ZNF407: variants seen among roughly 807,000 people sequenced by gnomAD.
ZNF407 encodes the protein zinc finger protein 407.
Under a neutral mutation model 131.2 loss-of-function variants are expected in ZNF407, and 17 were observed. That is an observed-to-expected ratio of 0.13 (90% CI 0.09 to 0.19). ZNF407 has a LOEUF of 0.19. Among genes scored for constraint, ZNF407 ranks in the 10% least tolerant of loss-of-function variants. The pLI is 1.00. For missense variants in ZNF407, 2,681 were observed against 2,830.6 expected, an observed-to-expected ratio of 0.95 and a Z score of 1.20; for synonymous variants, 1,156 against 1,062.0, an observed-to-expected ratio of 1.09 and a Z score of -1.72.
rs1477702122 is a variant in ZNF407, at chr18:74,634,565, G to A, written c.3546G>A (p.Glu1182=). The change falls in exon 2 of 9, where the codon GAG becomes GAA. Residue 1182 remains glutamate (E), a synonymous_variant. Coordinates refer to ENST00000299687, the MANE Select transcript of ZNF407 (RefSeq NM_017757.3). ...PVKDKVRKPE[E]MMSLTMSSNY... The stretch of plus-strand genomic sequence containing the variant: ...AGGATAAAGTTAGGAAACCTGAGGA[G>A]ATGATGTCACTTACTATGTCCTCAA... 4 of 1,613,764 alleles carry A rather than the reference G, an allele frequency of 2.5e-6. No individual in the cohort carries two copies. Among genetic ancestry groups the A allele is most frequent in the South Asian group, 2.2e-5 (2 of 91,090 alleles).
At chr18:74,984,839 A>G (rs9964170) in intron 8 of ZNF407, among the ~76,000 whole-genome samples, 25,585 of 146,328 alleles carry the variant, frequency 0.17, 2,364 homozygotes, top group Admixed American at 0.29. Flanking sequence ...AAAGTATCAC[A>G]TAACTGGACT....
intron 4 of ZNF407, among the ~76,000 whole-genome samples, chr18:74,846,345 CT>C (rs538147066): frequency 0.034 from 4,923 of 144,618 alleles, 229 homozygotes; most frequent in African/African-American, 0.11. Context: ...GTTAAAACGT[CT>C]TTTTTTTTTT....
chr18:75,025,457 T>G (rs1973159964), intron 8 of ZNF407, among the ~76,000 whole-genome samples: 1 of 152,188 alleles, frequency 6.6e-6, no homozygotes, highest in African/African-American at 2.4e-5. Context: ...AATTTGAATA[T>G]CAGCATAGGG....
At chr18:74,801,280 A>T (rs1363341943) in intron 4 of ZNF407, among the ~76,000 whole-genome samples, 1 of 152,200 alleles carries the variant, frequency 6.6e-6, no homozygotes, top group Non-Finnish European at 1.5e-5. Flanking sequence ...GGTATATGAG[A>T]TTAATTTTAT....
In ZNF407 at chr18:74,638,424, G is replaced by A. The variant is rs371904860; in HGVS notation, c.4688-2584G>A. 2.5e-4 allele frequency among the ~76,000 whole-genome samples: 38 copies of A among 152,312 alleles called. No homozygotes were observed. The South Asian group carries it at 7.7e-3, about 31-fold the overall frequency. On this transcript the variant is annotated intron_variant, in intron 2 of 8. Coordinates refer to ENST00000299687, the MANE Select transcript of ZNF407 (RefSeq NM_017757.3). ...GAATGTTTAGGGAGGATTGTAGAAT[G>A]ATGGCTCTAGTGGTTAGATGTTGGG...
At chr18:74,763,630 G>A (rs891553168) in intron 3 of ZNF407, among the ~76,000 whole-genome samples, 3 of 151,300 alleles carry the variant, frequency 2.0e-5, no homozygotes, top group African/African-American at 7.3e-5. Flanking sequence ...TAAAATGAAG[G>A]TAGTTAACAT....
At chr18:74,910,900 G>T (rs1032348750) in intron 7 of ZNF407, among the ~76,000 whole-genome samples, 1 of 151,942 alleles carries the variant, frequency 6.6e-6, no homozygotes, top group Non-Finnish European at 1.5e-5. Flanking sequence ...ACTCCTTCCC[G>T]TATCCCTTTC....
chr18:74,825,803 T>C (rs1233988365), intron 4 of ZNF407, among the ~76,000 whole-genome samples: 1 of 152,242 alleles, frequency 6.6e-6, no homozygotes, highest in Non-Finnish European at 1.5e-5. Flanking sequence ...CTGTTTGTTA[T>C]ATTATTGCAT....
At chr18:74,965,773 A>T (rs183994523) in intron 8 of ZNF407, among the ~76,000 whole-genome samples, 1 of 152,146 alleles carries the variant, frequency 6.6e-6, no homozygotes, top group African/African-American at 2.4e-5. Flanking sequence ...TATGTTCCCA[A>T]CAACACTGTT....
intron 3 of ZNF407, among the ~76,000 whole-genome samples, chr18:74,724,170 C>T (rs1056577761): frequency 2.0e-5 from 3 of 151,964 alleles, no homozygotes; most frequent in Non-Finnish European, 2.9e-5. Context: ...ATGTATTGTA[C>T]ATAAAATTTT....
intron 4 of ZNF407, among the ~76,000 whole-genome samples, chr18:74,862,194 T>C (rs1970946991): frequency 6.6e-6 from 1 of 152,212 alleles, no homozygotes; most frequent in Non-Finnish European, 1.5e-5. Context: ...ATGGAAACAT[T>C]GTTGGTTATT....
chr18:74,828,605 A>G (rs983878812), intron 4 of ZNF407, among the ~76,000 whole-genome samples: 1 of 152,220 alleles, frequency 6.6e-6, no homozygotes, highest in African/African-American at 2.4e-5. Context: ...AGCACTGCTT[A>G]TGGGAACCTG....
chr18:74,673,450 A>G (rs533254972), intron 3 of ZNF407, among the ~76,000 whole-genome samples: 2 of 152,146 alleles, frequency 1.3e-5, no homozygotes, highest in Non-Finnish European at 2.9e-5. Context: ...TCTTTCACTC[A>G]TAAGGACCCT....
intron 8 of ZNF407, among the ~76,000 whole-genome samples, chr18:75,029,579 G>T (rs113474754): frequency 6.6e-6 from 1 of 151,920 alleles, no homozygotes; most frequent in Non-Finnish European, 1.5e-5. Context: ...GTGTGTGTGC[G>T]TGCGTGTGTG....
At chr18:74,682,131 G>T (rs191142375) in intron 3 of ZNF407, among the ~76,000 whole-genome samples, 1 of 152,296 alleles carries the variant, frequency 6.6e-6, no homozygotes, top group East Asian at 1.9e-4. Flanking sequence ...CAACATTAAT[G>T]TTTTCTGACA....
chr18:74,648,889 T>C (rs1985095851), intron 3 of ZNF407, among the ~76,000 whole-genome samples: 2 of 152,220 alleles, frequency 1.3e-5, no homozygotes, highest in South Asian at 4.1e-4. Context: ...TCTACTTACT[T>C]TCCTACATCT....
chr18:74,839,578 A>C (rs747196022), intron 4 of ZNF407, among the ~76,000 whole-genome samples: 2 of 152,186 alleles, frequency 1.3e-5, no homozygotes, highest in Non-Finnish European at 2.9e-5. Context: ...CACATCTACA[A>C]ATACCTTTAG....
At chr18:75,056,186 G>A (rs941322440) in intron 8 of ZNF407, among the ~76,000 whole-genome samples, 1 of 152,184 alleles carries the variant, frequency 6.6e-6, no homozygotes, top group Non-Finnish European at 1.5e-5. Flanking sequence ...TGTACTCTGA[G>A]ATAAATCTCA....
chr18:74,810,696 G>A (rs765922870), intron 4 of ZNF407, among the ~76,000 whole-genome samples: 21 of 151,740 alleles, frequency 1.4e-4, no homozygotes, highest in African/African-American at 1.9e-4. Context: ...AAATATCGCC[G>A]CATATCTACA....
Sources: gnomAD v4.1 joint callset for allele counts (sites outside exome capture counted in the v4.1 genomes callset) on GRCh38, gnomAD v4.1.1 for gene constraint, MANE v1.5 for transcripts, NCBI Gene and HGNC (gene_info 2026-07-23, HGNC 2026-07-21) for gene names.